Variants in MAGI2 observed in about 807,000 individuals in gnomAD.
The protein encoded by MAGI2 is membrane-associated guanylate kinase, WW and PDZ domain-containing protein 2.
In MAGI2, 35 loss-of-function variants were observed where a neutral mutation model predicts 133.3. The ratio of observed to expected loss-of-function variants is 0.26; its 90% CI spans 0.20 to 0.35. MAGI2 has a LOEUF of 0.35. Ranked by LOEUF, MAGI2 falls within the 10% of genes least tolerant of loss-of-function variation. MAGI2 has a pLI of 1.00. For missense variants in MAGI2, 1,636 were observed against 1,863.4 expected (o/e 0.88, Z 2.25); for synonymous variants, 729 against 710.6 (o/e 1.03, Z -0.41).
intron 3 of MAGI2, among the ~76,000 whole-genome samples, chr7:78,594,165 G>A (rs1195823358): frequency 6.6e-6 from 1 of 152,156 alleles, no homozygotes; most frequent in Non-Finnish European, 1.5e-5. Flanking sequence ...GAATGTTGAA[G>A]CTGCTCTCAG....
intron 2 of MAGI2, among the ~76,000 whole-genome samples, chr7:78,908,521 A>G (rs550456910): frequency 6.6e-6 from 1 of 152,364 alleles, no homozygotes; most frequent in South Asian, 2.1e-4. Flanking sequence ...TTCTAAGACA[A>G]GAAGAATGGA....
chr7:78,916,648 AAGGATGGAG>A (rs1798817807), intron 2 of MAGI2, among the ~76,000 whole-genome samples: 1 of 152,166 alleles, frequency 6.6e-6, no homozygotes, highest in African/African-American at 2.4e-5. Flanking sequence ...TTAGAGCAGA[AAGGATGGAG>A]TAAAGTCAAA....
chr7:78,134,921 A>T, intron 17 of MAGI2, 100 bp downstream of exon 17: 1 of 973,602 alleles, frequency 1.0e-6, no homozygotes, highest in Non-Finnish European at 1.6e-6. Context: ...CAGTGACGGC[A>T]GGCAGGTGCA....
At chr7:78,246,143 G>T (rs537549364) in intron 10 of MAGI2, among the ~76,000 whole-genome samples, 1 of 152,230 alleles carries the variant, frequency 6.6e-6, no homozygotes, top group South Asian at 2.1e-4. Context: ...GGAAACAGTG[G>T]ATTAACAACA....
At chr7:78,267,735 A>G (rs1584635664) in intron 9 of MAGI2, among the ~76,000 whole-genome samples, 1 of 152,154 alleles carries the variant, frequency 6.6e-6, no homozygotes, top group Admixed American at 6.5e-5. Flanking sequence ...TAGGGCATAT[A>G]CCCACCACTA....
intron 1 of MAGI2, among the ~76,000 whole-genome samples, chr7:79,193,102 T>C (rs1827809110): frequency 6.6e-6 from 1 of 151,904 alleles, no homozygotes; most frequent in South Asian, 2.1e-4. Flanking sequence ...TGTGACTCAC[T>C]GTGTCTGGCC....
intron 6 of MAGI2, among the ~76,000 whole-genome samples, chr7:78,440,697 A>T (rs1461175097): frequency 6.6e-6 from 1 of 152,132 alleles, no homozygotes; most frequent in Non-Finnish European, 1.5e-5. Context: ...CATACCAGTA[A>T]TCCCAACACT....
intron 7 of MAGI2, among the ~76,000 whole-genome samples, chr7:78,368,690 T>C (rs540109157): frequency 1.1e-3 from 174 of 152,140 alleles, no homozygotes; most frequent in African/African-American, 4.0e-3. Flanking sequence ...AAAAGTCCAA[T>C]GTACCGAAAG....
chr7:78,104,289 G>C (rs1170120413), intron 20 of MAGI2, among the ~76,000 whole-genome samples: 2 of 151,996 alleles, frequency 1.3e-5, no homozygotes, highest in African/African-American at 2.4e-5. Context: ...GTGGCTCGAT[G>C]TCGGCTCACT....
In MAGI2 at chr7:78,292,488, C is replaced by T. The variant is rs575897364; in HGVS notation, c.1409-35907G>A. Among the ~76,000 whole-genome samples, 50 of 152,224 alleles carry T rather than the reference C, an allele frequency of 3.3e-4. No individual in the cohort carries two copies. The East Asian group carries it at 3.7e-3, about 11-fold the overall frequency. ...GCTCATGGGTAGGAAGAATCAATATCGTGAAAATGGCCATACTGCCCAAGG... is the reference window on the plus strand; with the variant it reads ...GCTCATGGGTAGGAAGAATCAATATTGTGAAAATGGCCATACTGCCCAAGG... On this transcript the variant is annotated intron_variant, in intron 9 of 21. Coordinates refer to ENST00000354212, the MANE Select transcript of MAGI2 (RefSeq NM_012301.4).
rs1290229785 is a variant in MAGI2, at chr7:78,904,536, T to TTG, written c.418+102553_418+102554insCA. ...ATAATAACGCAGTTCTTTTTTTTTT[T>TTG]TTTTTGAGACAGAGCCTTGCTCTGT... On this transcript the variant is annotated intron_variant, in intron 2 of 21. Coordinates refer to ENST00000354212, the MANE Select transcript of MAGI2 (RefSeq NM_012301.4). Among the ~76,000 whole-genome samples, 113 of 151,554 alleles carry TTG rather than the reference T, an allele frequency of 7.5e-4. 1 individual carries two copies. The Middle Eastern group carries it at 0.017, about 23-fold the overall frequency.
intron 6 of MAGI2, among the ~76,000 whole-genome samples, chr7:78,373,639 G>A (rs1362718513): frequency 6.6e-6 from 1 of 152,068 alleles, no homozygotes; most frequent in East Asian, 1.9e-4. Context: ...ATGTGCAGGT[G>A]TCTTATCTGG....
chr7:78,399,300 A>G (rs1195483999), intron 6 of MAGI2, among the ~76,000 whole-genome samples: 2 of 152,230 alleles, frequency 1.3e-5, no homozygotes, highest in East Asian at 1.9e-4. Flanking sequence ...TTTTCAACCT[A>G]ATGCTATACA....
chr7:79,150,689 A>G (rs868718102), intron 1 of MAGI2, among the ~76,000 whole-genome samples: 1 of 70,530 alleles, frequency 1.4e-5, no homozygotes, highest in African/African-American at 3.0e-5. Flanking sequence ...ATTTCATATC[A>G]GGTGGGCCAT....
intron 1 of MAGI2, among the ~76,000 whole-genome samples, chr7:79,008,284 G>T (rs573592097): frequency 1.7e-4 from 26 of 152,082 alleles, no homozygotes; most frequent in Non-Finnish European, 3.8e-4. Context: ...GAATCTATTT[G>T]CACTACCATG....
At chr7:79,014,911 A>T (rs1054422478) in intron 1 of MAGI2, among the ~76,000 whole-genome samples, 14 of 152,188 alleles carry the variant, frequency 9.2e-5, no homozygotes, top group Non-Finnish European at 2.9e-5. Flanking sequence ...AAATGTAATG[A>T]TAAAAATATC....
At chr7:79,089,738 C>T (rs1030131134) in intron 1 of MAGI2, among the ~76,000 whole-genome samples, 3 of 151,884 alleles carry the variant, frequency 2.0e-5, no homozygotes, top group African/African-American at 4.8e-5. Context: ...TCTCAGCAAA[C>T]GAACACAGAA....
At chr7:78,264,833 T>G (rs1032495585) in intron 9 of MAGI2, among the ~76,000 whole-genome samples, 1 of 151,778 alleles carries the variant, frequency 6.6e-6, no homozygotes, top group African/African-American at 2.4e-5. Context: ...TCCTACTGAA[T>G]TCATATAAGG....
intron 2 of MAGI2, among the ~76,000 whole-genome samples, chr7:78,880,927 A>C (rs1438073830): frequency 1.3e-5 from 2 of 152,142 alleles, no homozygotes; most frequent in Admixed American, 1.3e-4. Flanking sequence ...GTCACTATTA[A>C]TCGGAAAAAA....
Sources: gnomAD v4.1 joint callset for allele counts (sites outside exome capture counted in the v4.1 genomes callset) on GRCh38, gnomAD v4.1.1 for gene constraint, MANE v1.5 for transcripts, NCBI Gene and HGNC (gene_info 2026-07-23, HGNC 2026-07-21) for gene names.